RTCB: variants seen among roughly 807,000 people sequenced by gnomAD.
RTCB encodes the protein RNA-splicing ligase RTCB.
Under a neutral mutation model 58.2 loss-of-function variants are expected in RTCB, and 32 were observed. That is an observed-to-expected ratio of 0.55 (90% confidence interval 0.41 to 0.74). RTCB has a LOEUF of 0.74. Among genes scored for constraint, RTCB ranks in the 30% least tolerant of loss-of-function variants. RTCB has a pLI of 0.00. For missense variants in RTCB, 523 were observed against 639.0 expected (o/e 0.82, Z 1.96); for synonymous variants, 247 against 218.6 (o/e 1.13, Z -1.15).
rs541367016 is a variant in RTCB, at chr22:32,394,678, T to A, written c.1179+348A>T. Among the ~76,000 whole-genome samples, 4 of 152,218 alleles carry A rather than the reference T, an allele frequency of 2.6e-5. No homozygotes were observed. The South Asian group carries it at 8.3e-4, about 32-fold the overall frequency. On this transcript the variant is annotated intron_variant, in intron 9 of 11. Coordinates refer to ENST00000216038, the MANE Select transcript of RTCB (RefSeq NM_014306.5). The stretch of plus-strand genomic sequence containing the variant: ...AAGCAGACTATGGGGTCTTTCGAAC[T>A]CCACCACAGCCAGACACCAAGAGGA...
intron 10 of RTCB, 33 bp downstream of exon 10, chr22:32,393,859 G>A: frequency 7.1e-7 from 1 of 1,412,874 alleles, no homozygotes; most frequent in South Asian, 1.1e-5. Context: ...AAACTGAAGA[G>A]AGCATTTCTA....
In RTCB at chr22:32,399,763, GAT is replaced by G; in HGVS notation, c.498-6_498-5del. ...CTCCAAGGCCTCCTCCAAGTCTCTG[GAT>G]AAGTATAAAAGGTGCTAGTCATCTC... On this transcript the variant is annotated splice_region_variant and splice_polypyrimidine_tract_variant and intron_variant, in intron 5 of 11. Transcript: ENST00000216038. 6.2e-7 allele frequency: 1 copy of G among 1,612,860 alleles called. No individual in the cohort carries two copies. Among genetic ancestry groups the G allele is most frequent in the Non-Finnish European group, 8.5e-7 (1 of 1,179,444 alleles).
intron 11 of RTCB, 121 bp downstream of exon 11, chr22:32,392,119 T>C (rs1933162390): frequency 9.9e-7 from 1 of 1,006,558 alleles, no homozygotes; most frequent in South Asian, 1.9e-5. Flanking sequence ...ATTGAGGTCA[T>C]AAAAAAAAAT....
Position 32,391,217 on chromosome 22 carries a change from C to T in RTCB, c.1410+1023G>A, listed in dbSNP as rs369863533. Among the ~76,000 whole-genome samples the T allele has an allele frequency of 6.6e-5, 10 of 152,242 alleles. No individual in the cohort carries two copies. The East Asian group carries it at 1.7e-3, about 26-fold the overall frequency. ...AATTTGGAAGCTACTTAAATGTCCA[C>T]TACAGGCAGAAAGTAAGGTACTCAG... On this transcript the variant is annotated intron_variant, in intron 11 of 11. Coordinates refer to ENST00000216038, the MANE Select transcript of RTCB (RefSeq NM_014306.5).
Position 32,392,321 on chromosome 22 carries a change from T to G in RTCB, c.1329A>C (p.Leu443Phe). The change falls in exon 11 of 12, where the codon TTA becomes TTC. Residue 443 changes from leucine (L) to phenylalanine (F), a missense_variant. Physicochemically the swap from Leu to Phe is conservative, Grantham distance 22. Coordinates refer to ENST00000216038, the MANE Select transcript of RTCB (RefSeq NM_014306.5). ...ALSRAKSRRN[L>F]DFQDVLDKLA... ...ATTTGTCTAAGACATCCTGGAAATC[T>G]AAATTACGTCGAGATTTTGCTCGGG... The G allele has an allele frequency of 6.2e-7, 1 of 1,614,188 alleles. No homozygotes were observed. Among genetic ancestry groups the G allele is most frequent in the Non-Finnish European group, 8.5e-7 (1 of 1,180,006 alleles).
In RTCB at chr22:32,397,936, T is replaced by C. The variant is rs1933273233; in HGVS notation, c.814+5A>G. 6.2e-7 allele frequency: 1 copy of C among 1,610,082 alleles called. No homozygotes were observed. ...GTACATTTTAGCACAAAGTCTAGAA[T>C]ATACCTGTGGCTACTTGGTGGCCCA... On this transcript the variant is annotated splice_donor_5th_base_variant and intron_variant, in intron 7 of 11. Coordinates refer to ENST00000216038, the MANE Select transcript of RTCB (RefSeq NM_014306.5).
intron 4 of RTCB, among the ~76,000 whole-genome samples, chr22:32,403,919 C>CA (rs1276176498): frequency 6.6e-6 from 1 of 152,194 alleles, no homozygotes; most frequent in Non-Finnish European, 1.5e-5. Context: ...CACATATGGG[C>CA]AAAATCATGT....
At chr22:32,390,178 AT>A (rs1349216048) in intron 11 of RTCB, among the ~76,000 whole-genome samples, 3 of 152,162 alleles carry the variant, frequency 2.0e-5, no homozygotes, top group African/African-American at 7.2e-5. Flanking sequence ...TTGCATGGTC[AT>A]TAACACACTG....
chr22:32,388,652 A>C (rs2145887317), intron 11 of RTCB, among the ~76,000 whole-genome samples: 1 of 152,290 alleles, frequency 6.6e-6, no homozygotes, highest in African/African-American at 2.4e-5. Context: ...CTTTCCAGCA[A>C]CATTCCCACC....
intron 3 of RTCB, 70 bp downstream of exon 3, chr22:32,408,105 G>C (rs938971490): frequency 3.7e-6 from 5 of 1,359,488 alleles, no homozygotes; most frequent in Middle Eastern, 3.6e-4. Flanking sequence ...ACCACTATCA[G>C]GCATGGCCAT....
chr22:32,392,105 C>T, intron 11 of RTCB, 135 bp downstream of exon 11: 1 of 887,400 alleles, frequency 1.1e-6, no homozygotes, highest in Admixed American at 2.8e-5. Flanking sequence ...GAAGATAAGC[C>T]AAAATTGAGG....
chr22:32,388,308 G>C (rs1473095777), intron 11 of RTCB, among the ~76,000 whole-genome samples: 11 of 146,286 alleles, frequency 7.5e-5, no homozygotes, highest in Non-Finnish European at 1.4e-4. Flanking sequence ...TTTTTTTTCT[G>C]TATTTTTCAA....
chr22:32,395,594 G>T (rs1466512410), intron 8 of RTCB, among the ~76,000 whole-genome samples: 1 of 152,170 alleles, frequency 6.6e-6, no homozygotes, highest in East Asian at 1.9e-4. Flanking sequence ...TGATGATTTA[G>T]TTTAAGACAA....
chr22:32,412,006 C>A, intron 1 of RTCB, 58 bp downstream of exon 1: 2 of 1,414,266 alleles, frequency 1.4e-6, no homozygotes, highest in East Asian at 2.3e-5. Flanking sequence ...GCGCAGTGGA[C>A]GCCGGCCGGG....
intron 1 of RTCB, among the ~76,000 whole-genome samples, chr22:32,409,843 A>C (rs923609116): frequency 1.4e-5 from 2 of 146,988 alleles, no homozygotes; most frequent in African/African-American, 5.1e-5. Context: ...TTTGAGACTG[A>C]GTCTTGCTCT....
chr22:32,399,468 C>T, intron 6 of RTCB, 135 bp downstream of exon 6: 2 of 872,246 alleles, frequency 2.3e-6, no homozygotes, highest in African/African-American at 1.7e-5. Flanking sequence ...GAAGCATAAA[C>T]AAATTTGTAT....
rs745339287 is a variant in RTCB at position 32,392,332 on chromosome 22, G to A, written c.1318C>T (p.Arg440Ter). Residue 440 changes from arginine (R) to a stop codon, truncating the protein, a stop_gained, in exon 11 of 12, where the codon CGA becomes TGA. Transcript: ENST00000216038. LOFTEE classifies it high-confidence loss of function. Reference sequence around the variant, plus strand: ...ACATCCTGGAAATCTAAATTACGTCGAGATTTTGCTCGGGACAATGCACGG... The same window carrying A: ...ACATCCTGGAAATCTAAATTACGTCAAGATTTTGCTCGGGACAATGCACGG... ...AGRALSRAKS[R>*]RNLDFQDVLD... The A allele has an allele frequency of 9.9e-6, 16 of 1,613,856 alleles. No homozygotes were observed. The highest frequency in any genetic ancestry group is 2.7e-5 in the African/African-American group (2 of 74,884).
At chr22:32,392,119 T>TAAA in intron 11 of RTCB, 121 bp downstream of exon 11, 1 of 1,006,554 alleles carries the variant, frequency 9.9e-7, no homozygotes, top group African/African-American at 1.6e-5. Flanking sequence ...ATTGAGGTCA[T>TAAA]AAAAAAAAAT....
intron 4 of RTCB, among the ~76,000 whole-genome samples, chr22:32,404,491 C>G (rs1933388902): frequency 6.6e-6 from 1 of 152,214 alleles, no homozygotes; most frequent in Non-Finnish European, 1.5e-5. Context: ...ACTGTAGCCT[C>G]AACTTCCTGG....
Sources: allele counts gnomAD v4.1 joint callset (sites outside exome capture counted in the v4.1 genomes callset), GRCh38; gene constraint gnomAD v4.1.1; transcripts MANE v1.5; gene names NCBI Gene and HGNC (gene_info 2026-07-23, HGNC 2026-07-21).